Variants in RTN3 observed in about 807,000 individuals in gnomAD.
RTN3 encodes reticulon-3.
A neutral mutation model predicts 77.8 loss-of-function variants in RTN3; 49 were observed. The ratio of observed to expected loss-of-function variants is 0.63; its 90% CI spans 0.50 to 0.80. RTN3 has a LOEUF of 0.80. Among genes scored for constraint, RTN3 ranks in the 30% least tolerant of loss-of-function variants. The probability of loss-of-function intolerance (pLI) is 0.00; values close to 1 mark genes in which losing one functional copy is unlikely to be tolerated. For synonymous variants in RTN3, 464 were observed against 446.9 expected (o/e 1.04, Z -0.48); for missense variants, 1,236 against 1,211.9 (o/e 1.02, Z -0.29).
chr11:63,687,608 T>TAAAA (rs35057519), intron 1 of RTN3, among the ~76,000 whole-genome samples: 1 of 134,534 alleles, frequency 7.4e-6, no homozygotes, highest in Non-Finnish European at 1.6e-5. Context: ...AGACTCCATC[T>TAAAA]AAAAAAAAAA....
intron 3 of RTN3, among the ~76,000 whole-genome samples, chr11:63,745,330 A>G (rs1184794648): frequency 6.6e-6 from 1 of 152,216 alleles, no homozygotes; most frequent in Non-Finnish European, 1.5e-5. Context: ...GCTTGGCCCC[A>G]TGTTTAAGCA....
At chr11:63,710,051 G>GT in intron 2 of RTN3, among the ~76,000 whole-genome samples, 1 of 152,202 alleles carries the variant, frequency 6.6e-6, no homozygotes, top group African/African-American at 2.4e-5. Flanking sequence ...ATCACATTTT[G>GT]TTTTTAGTAA....
chr11:63,693,913 G>A (rs1941796555), intron 1 of RTN3, among the ~76,000 whole-genome samples: 1 of 152,140 alleles, frequency 6.6e-6, no homozygotes, highest in African/African-American at 2.4e-5. Context: ...CTTGAGCCCA[G>A]GAGTTTGAAA....
intron 3 of RTN3, among the ~76,000 whole-genome samples, chr11:63,739,933 TATTTTCTGATC>T (rs2013359174): frequency 6.6e-6 from 1 of 152,216 alleles, no homozygotes; most frequent in Middle Eastern, 3.2e-3. Flanking sequence ...ATGGTAGAAC[TATTTTCTGATC>T]AGGGAAGAAT....
At chr11:63,685,929 T>A (rs1195656060) in intron 1 of RTN3, among the ~76,000 whole-genome samples, 1 of 152,204 alleles carries the variant, frequency 6.6e-6, no homozygotes, top group African/African-American at 2.4e-5. Context: ...CCTTAGGTTC[T>A]AATGCAGCCA....
chr11:63,695,681 A>G (rs1941901281), intron 1 of RTN3, among the ~76,000 whole-genome samples: 2 of 152,212 alleles, frequency 1.3e-5, no homozygotes, highest in African/African-American at 4.8e-5. Context: ...TAACCATGAG[A>G]AAAACATCTG....
intron 2 of RTN3, among the ~76,000 whole-genome samples, chr11:63,706,799 T>C (rs1457882606): frequency 1.3e-5 from 2 of 152,098 alleles, no homozygotes; most frequent in East Asian, 3.8e-4. Context: ...AAGAAAAATA[T>C]GGTATAAATA....
At chr11:63,738,512 T>C (rs539876300) in intron 3 of RTN3, among the ~76,000 whole-genome samples, 1 of 151,868 alleles carries the variant, frequency 6.6e-6, no homozygotes, top group South Asian at 2.1e-4. Flanking sequence ...CATGGTGGCA[T>C]GTACCTGTAG....
intron 1 of RTN3, among the ~76,000 whole-genome samples, chr11:63,688,213 G>A (rs1225524574): frequency 6.7e-6 from 1 of 149,910 alleles, no homozygotes; most frequent in Admixed American, 6.7e-5. Context: ...AGAATAAGAA[G>A]TGTGTTTTGC....
intron 2 of RTN3, among the ~76,000 whole-genome samples, chr11:63,714,736 C>T (rs2134787329): frequency 6.6e-6 from 1 of 151,946 alleles, no homozygotes; most frequent in African/African-American, 2.4e-5. Flanking sequence ...TGATCTTGAC[C>T]TCTTGGACTC....
At chr11:63,702,670 GTTTTTGTT>G (rs1378553904) in intron 1 of RTN3, among the ~76,000 whole-genome samples, 34 of 142,752 alleles carry the variant, frequency 2.4e-4, no homozygotes, top group Admixed American at 5.6e-4. Flanking sequence ...ACTGCACTTT[GTTTTTGTT>G]TTTTTGTTTT....
intron 1 of RTN3, among the ~76,000 whole-genome samples, chr11:63,688,981 T>G (rs1941515259): frequency 6.6e-6 from 1 of 152,182 alleles, no homozygotes; most frequent in South Asian, 2.1e-4. Context: ...TTTTTGTAAT[T>G]CTGAACAGAA....
chr11:63,740,608 T>C (rs1039889091), intron 3 of RTN3, among the ~76,000 whole-genome samples: 7 of 151,868 alleles, frequency 4.6e-5, no homozygotes, highest in African/African-American at 1.7e-4. Context: ...TTTTTTTTCT[T>C]TTAATAGAGA....
Position 63,759,214 on chromosome 11 carries a change from G to A in RTN3, c.*1013G>A, listed in dbSNP as rs771080779. 6.6e-6 allele frequency: 1 copy of A among 152,056 alleles called. No individual in the cohort carries two copies. The highest frequency in any genetic ancestry group is 1.5e-5 in the Non-Finnish European group (1 of 68,018). The allele number at this position is 152,056 out of a possible 1,614,324, so 9.4% of individuals were successfully genotyped here. A position where few individuals can be genotyped will look rare whatever the true frequency, so the allele number is the denominator to read the frequency against. ...AGCCTTTTTTTCTTGATCTTTTCCC[G>A]AGATTCAAATCTCCGATTCCCATTT... On this transcript the variant is annotated 3_prime_UTR_variant, in exon 9 of 9. Coordinates refer to ENST00000377819, the MANE Select transcript of RTN3 (RefSeq NM_001265589.2).
intron 3 of RTN3, among the ~76,000 whole-genome samples, chr11:63,749,651 C>G (rs565740887): frequency 7.7e-4 from 117 of 152,322 alleles, no homozygotes; most frequent in African/African-American, 2.7e-3. Flanking sequence ...TAATCCTATC[C>G]TGAAACCTAA....
intron 1 of RTN3, among the ~76,000 whole-genome samples, chr11:63,700,041 A>G (rs1942157092): frequency 6.6e-6 from 1 of 152,220 alleles, no homozygotes; most frequent in African/African-American, 2.4e-5. Flanking sequence ...TGTGTTCTGC[A>G]TCTGCATAAC....
intron 3 of RTN3, among the ~76,000 whole-genome samples, chr11:63,731,486 C>T (rs1399078617): frequency 6.6e-6 from 1 of 151,750 alleles, no homozygotes; most frequent in African/African-American, 2.4e-5. Context: ...TAGGAAAATT[C>T]CCAAATATTT....
intron 2 of RTN3, among the ~76,000 whole-genome samples, chr11:63,716,100 TAC>T (rs1442962585): frequency 2.6e-5 from 4 of 152,236 alleles, no homozygotes; most frequent in Non-Finnish European, 5.9e-5. Flanking sequence ...TCCTTGAATG[TAC>T]AAAGACTTTT....
At chr11:63,740,820 A>G (rs1318371212) in intron 3 of RTN3, among the ~76,000 whole-genome samples, 2 of 152,164 alleles carry the variant, frequency 1.3e-5, no homozygotes, top group South Asian at 2.1e-4. Context: ...TTCTGTTACA[A>G]TTGTAGCAGA....
Sources: gnomAD v4.1 joint callset for allele counts (sites outside exome capture counted in the v4.1 genomes callset) on GRCh38, gnomAD v4.1.1 for gene constraint, MANE v1.5 for transcripts, NCBI Gene and HGNC (gene_info 2026-07-23, HGNC 2026-07-21) for gene names.